The following ZNFX1 variants were observed in gnomAD, a reference collection of about 807,000 sequenced individuals.
ZNFX1 encodes the protein NFX1-type zinc finger-containing protein 1.
Under a neutral mutation model 179.8 loss-of-function variants are expected in ZNFX1, and 78 were observed. That is an observed-to-expected ratio of 0.43 (90% CI 0.36 to 0.52). The LOEUF is 0.52. Among genes scored for constraint, ZNFX1 ranks in the 20% least tolerant of loss-of-function variants. The pLI, the probability that ZNFX1 is intolerant of heterozygous loss-of-function variation, is 0.00. For synonymous variants in ZNFX1, 848 were observed against 868.5 expected, an observed-to-expected ratio of 0.98 and a Z score of 0.42; for missense variants, 1,927 against 2,386.6, an observed-to-expected ratio of 0.81 and a Z score of 4.01.
intron 7 of ZNFX1, among the ~76,000 whole-genome samples, chr20:49,259,410 G>C (rs1981060721): frequency 6.7e-6 from 1 of 149,822 alleles, no homozygotes; most frequent in Middle Eastern, 3.6e-3. Flanking sequence ...ACATTGTCTA[G>C]TATATATGTT....
Position 49,271,267 on chromosome 20 carries a change from T to G in ZNFX1, c.545A>C (p.Asn182Thr), listed in dbSNP as rs1981384904. The change falls in exon 3 of 14, where the codon AAC becomes ACC. Residue 182 changes from asparagine to threonine, a missense_variant. By Grantham distance (65) the Asn-to-Thr change is moderately conservative. Coordinates refer to ENST00000396105, the MANE Select transcript of ZNFX1 (RefSeq NM_021035.3). ...ELLSHSSMKSNFLELICQVLR... is the reference protein window; with the variant it reads ...ELLSHSSMKSTFLELICQVLR... ...AACCTGACAGATGAGCTCAAGGAAGTTAGATTTCATGGAAGAATGAGAAAG... is the reference window on the plus strand; with the variant it reads ...AACCTGACAGATGAGCTCAAGGAAGGTAGATTTCATGGAAGAATGAGAAAG... 6.2e-7 allele frequency: 1 copy of G among 1,613,968 alleles called. No homozygotes were observed. The highest frequency in any genetic ancestry group is 8.5e-7 in the Non-Finnish European group (1 of 1,180,022).
rs71647791 is a variant in ZNFX1 at position 49,246,872 on chromosome 20, AT to A, written c.*394del. ...GTAGGTGCTAAGACTAAAAAGAATG[AT>A]TTTTTTTTTTTTGAGACAGAGTCTT... On this transcript the variant is annotated 3_prime_UTR_variant, in exon 14 of 14. Transcript: ENST00000396105. The A allele has an allele frequency of 0.12, 47,678 of 403,402 alleles. 2,499 individuals carry two copies. The highest frequency in any genetic ancestry group is 0.3 in the African/African-American group (14,567 of 48,684). 25.0% of individuals were successfully genotyped at this position (403,402 alleles called of 1,614,324 possible).
intron 6 of ZNFX1, among the ~76,000 whole-genome samples, chr20:49,262,581 A>G (rs1981141273): frequency 6.6e-6 from 1 of 152,142 alleles, no homozygotes; most frequent in Admixed American, 6.6e-5. Context: ...CCGCTTCTTA[A>G]TATTTCAAAT....
At chr20:49,265,648 C>T (rs1981217152) in intron 4 of ZNFX1, among the ~76,000 whole-genome samples, 1 of 151,900 alleles carries the variant, frequency 6.6e-6, no homozygotes, top group South Asian at 2.1e-4. Context: ...TAATATGTGC[C>T]AGGATATGTG....
intron 1 of ZNFX1, among the ~76,000 whole-genome samples, chr20:49,277,566 G>A (rs75156011): frequency 0.015 from 2,261 of 151,282 alleles, 59 homozygotes; most frequent in South Asian, 0.069. Flanking sequence ...GGAGATCGAA[G>A]TGCTGAGGGC....
Position 49,260,466 on chromosome 20 carries a change from T to C in ZNFX1, c.2413A>G (p.Thr805Ala). The C allele has an allele frequency of 1.9e-6, 3 of 1,608,422 alleles. No homozygotes were observed. The highest frequency in any genetic ancestry group is 1.7e-5 in the Admixed American group (1 of 59,908). The part of the protein sequence containing the change: ...QSVSPAGPEN[T>A]AQAEGDEEEE... ...TAGGAAGACATGCACTTCTTACCTGTATTCTCAGGTCCTGCTGGAGAAACA... is the reference window on the plus strand; with the variant it reads ...TAGGAAGACATGCACTTCTTACCTGCATTCTCAGGTCCTGCTGGAGAAACA... The change falls in exon 7 of 14, where the codon ACA (threonine) becomes GCA (alanine). Residue 805 changes from threonine to alanine, a missense_variant. Thr to Ala is a moderately conservative substitution (Grantham distance 58, BLOSUM62 0). Coordinates refer to ENST00000396105, the MANE Select transcript of ZNFX1 (RefSeq NM_021035.3).
Position 49,249,767 on chromosome 20 carries a change from T to A in ZNFX1, c.3313-56A>T. 9 of 1,549,272 alleles carry A rather than the reference T, an allele frequency of 5.8e-6. 1 individual carries two copies. In the South Asian group the frequency reaches 1.0e-4, roughly 17 times the overall value. ...GGTTCACTCATGGCACTTGTTTTTT[T>A]CTTCCTCTCTTGACATGCACTGGCC... On this transcript the variant is annotated intron_variant, in intron 13 of 13. Coordinates refer to ENST00000396105, the MANE Select transcript of ZNFX1 (RefSeq NM_021035.3).
Position 49,249,321 on chromosome 20 carries a change from G to C in ZNFX1, c.3703C>G (p.Gln1235Glu). ...KKGMYCIGNM[Q>E]MLAKVPLWSK... is the part of the protein sequence containing the mutation. ...CACAGGGGCACCTTGGCCAGCATCT[G>C]CATGTTTCCGATGCAGTACATTCCC... The change falls in exon 14 of 14, where the codon CAG becomes GAG. Residue 1235 changes from glutamine (Q) to glutamate (E), a missense_variant. Physicochemically the swap from Gln to Glu is conservative, Grantham distance 29 (BLOSUM62 2). Transcript: ENST00000396105. 1.2e-6 allele frequency: 2 copies of C among 1,614,262 alleles called. No individual in the cohort carries two copies. Among genetic ancestry groups the C allele is most frequent in the Non-Finnish European group, 1.7e-6 (2 of 1,180,052 alleles).
chr20:49,273,838 G>T (rs1277086053), intron 2 of ZNFX1, among the ~76,000 whole-genome samples: 5 of 152,194 alleles, frequency 3.3e-5, no homozygotes, highest in African/African-American at 1.2e-4. Context: ...GCTGAGGTGG[G>T]ATGATTGCTT....
intron 2 of ZNFX1, among the ~76,000 whole-genome samples, chr20:49,274,898 G>A (rs1016976423): frequency 2.9e-4 from 44 of 152,158 alleles, no homozygotes; most frequent in Admixed American, 2.5e-3. Context: ...CGAGGCAGGC[G>A]GATCACGAGG....
intron 9 of ZNFX1, among the ~76,000 whole-genome samples, chr20:49,255,029 C>T (rs946830398): frequency 3.4e-5 from 5 of 147,526 alleles, no homozygotes; most frequent in African/African-American, 7.5e-5. Context: ...AACTTTCCAA[C>T]GGCTTTCTAC....
chr20:49,254,811 C>G (rs1486750837), intron 9 of ZNFX1, among the ~76,000 whole-genome samples, 162 bp from the exon 10 acceptor site: 1 of 151,958 alleles, frequency 6.6e-6, no homozygotes, highest in Admixed American at 6.6e-5. Flanking sequence ...AAATGCCCAA[C>G]AAAAAGATGT....
At chr20:49,277,626 AG>A (rs2146747156) in intron 1 of ZNFX1, among the ~76,000 whole-genome samples, 1 of 145,548 alleles carries the variant, frequency 6.9e-6, no homozygotes, top group Non-Finnish European at 1.5e-5. Context: ...GGGCCAGCTG[AG>A]GGGATGGGGA....
At position 49,249,559 on chromosome 20, in the gene ZNFX1, G is replaced by A. The variant is rs1323829615; in HGVS notation, c.3465C>T (p.Thr1155=). Residue 1155 remains threonine (T), a synonymous_variant, in exon 14 of 14, where the codon ACC becomes ACT. Coordinates refer to ENST00000396105, the MANE Select transcript of ZNFX1 (RefSeq NM_021035.3). ...LCQEYLPSQI[T]ILTTYTGQLF... ...GCTGCCCGGTATAGGTAGTGAGGAT[G>A]GTGATCTGGGAAGGCAGGTATTCCT... is the stretch of plus-strand genomic sequence containing the variant. 1 of 1,614,154 alleles carries A rather than the reference G, an allele frequency of 6.2e-7. No individual in the cohort carries two copies. Among genetic ancestry groups the A allele is most frequent in the African/African-American group, 1.3e-5 (1 of 74,956 alleles).
At chr20:49,275,995 T>A (rs981175564) in intron 1 of ZNFX1, 108 bp from the exon 2 acceptor site, 7 of 668,328 alleles carry the variant, frequency 1.0e-5, no homozygotes, top group Non-Finnish European at 1.5e-5. Context: ...AATGATTTGT[T>A]AACTAAGGGT....
At chr20:49,255,396 A>G (rs1245829814) in intron 9 of ZNFX1, among the ~76,000 whole-genome samples, 1 of 150,800 alleles carries the variant, frequency 6.6e-6, no homozygotes, top group Non-Finnish European at 1.5e-5. Flanking sequence ...TATGTTGCCC[A>G]GGCTGGTCTT....
At chr20:49,272,750 T>C (rs923644655) in intron 2 of ZNFX1, among the ~76,000 whole-genome samples, 2 of 152,168 alleles carry the variant, frequency 1.3e-5, no homozygotes, top group African/African-American at 2.4e-5. Flanking sequence ...GGGGTTTCCT[T>C]ACCAAGATGT....
chr20:49,252,628 T>G, intron 12 of ZNFX1, 92 bp downstream of exon 12: 1 of 800,300 alleles, frequency 1.2e-6, no homozygotes, highest in Non-Finnish European at 2.1e-6. Context: ...TAAATTATTT[T>G]TATTTATATG....
chr20:49,246,743 G>A lies in ZNFX1; in HGVS notation c.*524C>T. On this transcript the variant is annotated 3_prime_UTR_variant, in exon 14 of 14. Coordinates refer to ENST00000396105, the MANE Select transcript of ZNFX1 (RefSeq NM_021035.3). ...CACTAATTTGCAGGAGAGAAGGGGT[G>A]AGATTTGTTAACTTTGCTCTCAGTT... 2.4e-6 allele frequency: 1 copy of A among 416,242 alleles called. No homozygotes were observed. 25.8% of individuals were successfully genotyped at this position (416,242 alleles called of 1,614,324 possible).
Sources: allele counts gnomAD v4.1 joint callset (sites outside exome capture counted in the v4.1 genomes callset), GRCh38; gene constraint gnomAD v4.1.1; transcripts MANE v1.5; gene names NCBI Gene and HGNC (gene_info 2026-07-23, HGNC 2026-07-21).